GPALPP1: variants seen among roughly 807,000 people sequenced by gnomAD.
The protein encoded by GPALPP1 is GPALPP motifs containing 1.
Under a neutral mutation model 38.9 loss-of-function variants are expected in GPALPP1, and 30 were observed. That is an observed-to-expected ratio of 0.77 (90% confidence interval 0.58 to 1.05). The LOEUF is 1.05. Among genes scored for constraint, GPALPP1 ranks in the 50% least tolerant of loss-of-function variants. The pLI is 0.00. For synonymous variants in GPALPP1, 120 were observed against 139.2 expected, an observed-to-expected ratio of 0.86 and a Z score of 0.97; for missense variants, 384 against 408.8, an observed-to-expected ratio of 0.94 and a Z score of 0.52.
At chr13:45,009,302 T>C (rs1252710895) in intron 4 of GPALPP1, among the ~76,000 whole-genome samples, 1 of 152,214 alleles carries the variant, frequency 6.6e-6, no homozygotes, top group Non-Finnish European at 1.5e-5. Context: ...TATAAAAAAA[T>C]GCACTGGTGG....
chr13:45,026,514 GATAAA>G (rs750444112), intron 7 of GPALPP1, among the ~76,000 whole-genome samples: 2 of 152,068 alleles, frequency 1.3e-5, no homozygotes, highest in African/African-American at 2.4e-5. Flanking sequence ...TTACCTTCTA[GATAAA>G]ATAAGATACT....
At chr13:45,008,660 T>C in intron 3 of GPALPP1, 135 bp from the exon 4 acceptor site, 2 of 591,820 alleles carry the variant, frequency 3.4e-6, no homozygotes, top group Non-Finnish European at 6.1e-6. Flanking sequence ...GTAATACTAG[T>C]AAAAATAAAG....
At chr13:45,023,747 C>A (rs1365416167) in intron 7 of GPALPP1, among the ~76,000 whole-genome samples, 3 of 152,038 alleles carry the variant, frequency 2.0e-5, no homozygotes, top group Non-Finnish European at 2.9e-5. Flanking sequence ...ATCTCACTAG[C>A]AAGGAAAGAT....
chr13:45,015,125 A>G (rs1176756959), intron 5 of GPALPP1, 42 bp downstream of exon 5: 1 of 1,273,864 alleles, frequency 7.9e-7, no homozygotes, highest in Non-Finnish European at 1.1e-6. Context: ...TAAATAGATT[A>G]AAAATCTAAA....
At chr13:45,006,836 G>T (rs1445104165) in intron 3 of GPALPP1, among the ~76,000 whole-genome samples, 2 of 152,030 alleles carry the variant, frequency 1.3e-5, no homozygotes, top group Non-Finnish European at 2.9e-5. Context: ...GTGTGTGGGT[G>T]TTTAATTTAT....
chr13:45,020,901 G>A (rs914794406), intron 7 of GPALPP1, among the ~76,000 whole-genome samples: 2 of 152,104 alleles, frequency 1.3e-5, no homozygotes, highest in African/African-American at 4.8e-5. Flanking sequence ...AATTATTAGA[G>A]ATAGGTAGCA....
At chr13:45,000,891 GT>G (rs1196221298) in intron 1 of GPALPP1, among the ~76,000 whole-genome samples, 4 of 152,184 alleles carry the variant, frequency 2.6e-5, no homozygotes, top group African/African-American at 9.7e-5. Context: ...ATGCCTTAGA[GT>G]TATTCTTTTC....
intron 1 of GPALPP1, among the ~76,000 whole-genome samples, chr13:45,003,349 A>C (rs918369317): frequency 6.6e-6 from 1 of 152,216 alleles, no homozygotes; most frequent in African/African-American, 2.4e-5. Context: ...ATTACACTTA[A>C]GTTTTTGTAG....
chr13:45,026,839 G>T (rs548609471), intron 7 of GPALPP1, among the ~76,000 whole-genome samples: 2 of 152,092 alleles, frequency 1.3e-5, no homozygotes, highest in Admixed American at 6.6e-5. Context: ...CAATCATACC[G>T]GTATTTTAGG....
At chr13:44,990,163 G>A (rs1042398883) in intron 1 of GPALPP1, 4 of 404,974 alleles carry the variant, frequency 9.9e-6, no homozygotes, top group Non-Finnish European at 1.7e-5. Flanking sequence ...TAACCTCTGT[G>A]CCATATTGCC....
At chr13:44,995,169 A>AACACACACACACACAC (rs371911111) in intron 1 of GPALPP1, among the ~76,000 whole-genome samples, 1,855 of 128,552 alleles carry the variant, frequency 0.014, 33 homozygotes, top group South Asian at 0.026. Context: ...CCTATCTTTA[A>AACACACACACACACAC]ACACACACAC....
At chr13:45,026,746 T>C (rs952625411) in intron 7 of GPALPP1, among the ~76,000 whole-genome samples, 3 of 152,216 alleles carry the variant, frequency 2.0e-5, no homozygotes, top group African/African-American at 4.8e-5. Context: ...TAAAGGACAC[T>C]ACACTCTTAG....
chr13:45,032,774 G>A (rs562357242), downstream of GPALPP1, among the ~76,000 whole-genome samples: 11 of 149,800 alleles, frequency 7.3e-5, no homozygotes, highest in South Asian at 4.3e-4. Context: ...GGTGGCTCAC[G>A]CCTGTAATTC....
chr13:45,031,245 T>C (rs1025967411), downstream of GPALPP1: 2 of 152,210 alleles, frequency 1.3e-5, no homozygotes, highest in Non-Finnish European at 1.5e-5. Flanking sequence ...AGAGCTACCT[T>C]TTGACTAAAA....
chr13:45,016,429 G>C (rs939526360), intron 6 of GPALPP1, among the ~76,000 whole-genome samples: 9 of 151,766 alleles, frequency 5.9e-5, no homozygotes, highest in Non-Finnish European at 1.2e-4. Flanking sequence ...ACTCCAGCCT[G>C]GGCAACAGAG....
chr13:45,002,061 T>TTTGA, intron 1 of GPALPP1: 1 of 152,416 alleles, frequency 6.6e-6, no homozygotes, highest in Non-Finnish European at 1.5e-5. Context: ...CTGACAGTTT[T>TTTGA]TTGTTTGTTT....
At chr13:45,004,280 A>C (rs1413379454) in intron 1 of GPALPP1, 25 bp from the exon 2 acceptor site, 3 of 1,603,262 alleles carry the variant, frequency 1.9e-6, no homozygotes, top group Admixed American at 1.7e-5. Context: ...GTGGCTAGTG[A>C]TGACAAACAA....
At chr13:45,001,515 C>T (rs1873671956) in intron 1 of GPALPP1, among the ~76,000 whole-genome samples, 1 of 152,092 alleles carries the variant, frequency 6.6e-6, no homozygotes, top group Admixed American at 6.5e-5. Context: ...TCTTCCCAGC[C>T]TTCTCCATAT....
chr13:45,003,386 T>C (rs1057230115), intron 1 of GPALPP1, among the ~76,000 whole-genome samples: 3 of 152,198 alleles, frequency 2.0e-5, no homozygotes, highest in Non-Finnish European at 4.4e-5. Context: ...TACTATAATA[T>C]TGAATGAATG....
Sources: gnomAD v4.1 joint callset for allele counts (sites outside exome capture counted in the v4.1 genomes callset) on GRCh38, gnomAD v4.1.1 for gene constraint, MANE v1.5 for transcripts, NCBI Gene and HGNC (gene_info 2026-07-23, HGNC 2026-07-21) for gene names.